KHSRP: variants seen among roughly 807,000 people sequenced by gnomAD.
The protein encoded by KHSRP is KH-type splicing regulatory protein, also known as far upstream element-binding protein 2.
In KHSRP, 13 loss-of-function variants were observed where a neutral mutation model predicts 94.9. The ratio of observed to expected loss-of-function variants is 0.14; its 90% CI spans 0.09 to 0.22. KHSRP has a LOEUF of 0.22. KHSRP is among the 10% of genes least tolerant of loss of function. The pLI is 1.00. For missense variants in KHSRP, 710 were observed against 1,010.0 expected, an observed-to-expected ratio of 0.70 and a Z score of 4.03; for synonymous variants, 495 against 401.4, an observed-to-expected ratio of 1.23 and a Z score of -2.79.
At chr19:6,423,983 C>G (rs558112587) in intron 1 of KHSRP, among the ~76,000 whole-genome samples, 3 of 152,204 alleles carry the variant, frequency 2.0e-5, no homozygotes, top group African/African-American at 7.2e-5. Flanking sequence ...TCCACTTTCC[C>G]GACTGAAGAG....
rs557341586 is a variant in KHSRP, at chr19:6,415,362, C to T, written c.1966+18G>A. The T allele has an allele frequency of 8.6e-5, 138 of 1,609,262 alleles. No individual in the cohort carries two copies. The East Asian group carries it at 9.6e-4, about 11-fold the overall frequency. On this transcript the variant is annotated intron_variant, in intron 18 of 18. Coordinates refer to ENST00000600480, the MANE Select transcript of KHSRP (RefSeq NM_001366299.1). ...TGAGGGCTGCCCCTGCCCCTGTCCC[C>T]GCATGGTGGCCACTCACCTTGCTTC...
chr19:6,414,186 G>C lies in KHSRP; in HGVS notation c.*838C>G, dbSNP rs757003676. 2 of 1,574,054 alleles carry C rather than the reference G, an allele frequency of 1.3e-6. No individual in the cohort carries two copies. Among genetic ancestry groups the C allele is most frequent in the East Asian group, 2.3e-5 (1 of 43,826 alleles). The stretch of plus-strand genomic sequence containing the variant: ...GGGAAGGGTGGGAGACTAGGGGGCG[G>C]AAGAGAGGAGGGGCTGGAACACCGT... On this transcript the variant is annotated 3_prime_UTR_variant, in exon 19 of 19. Transcript: ENST00000600480.
intron 1 of KHSRP, among the ~76,000 whole-genome samples, 182 bp from the exon 2 acceptor site, chr19:6,422,618 G>A (rs2092201891): frequency 6.6e-6 from 1 of 152,136 alleles, no homozygotes; most frequent in African/African-American, 2.4e-5. Context: ...TAGGCCTCAA[G>A]GTTCTCACCA....
chr19:6,422,498 G>C lies in KHSRP; in HGVS notation c.250-62C>G, dbSNP rs944241725. ...AAAAACAACCCTCCATGGCACCCAG[G>C]TCAACTTCTCAGAACATCTCCTGGA... is the stretch of plus-strand genomic sequence containing the variant. On this transcript the variant is annotated intron_variant, in intron 1 of 18. Coordinates refer to ENST00000600480, the MANE Select transcript of KHSRP (RefSeq NM_001366299.1). 20 of 1,249,412 alleles carry C rather than the reference G, an allele frequency of 1.6e-5. No homozygotes were observed. The African/African-American group carries it at 2.8e-4, about 17-fold the overall frequency. The allele number at this position is 1,249,412 out of a possible 1,614,324, so 77.4% of individuals were successfully genotyped here.
rs888935149 is a variant in KHSRP, at chr19:6,424,367, T to TGC, written c.249+84_249+85dup. The TGC allele has an allele frequency of 1.7e-4, 105 of 623,168 alleles. No individual in the cohort carries two copies. The East Asian group carries it at 3.6e-3, about 21-fold the overall frequency. 38.6% of individuals were successfully genotyped at this position (623,168 alleles called of 1,614,324 possible). ...CGGCCCCGGCCCCCCTCCGCGACCC[T>TGC]GCGCGCGCGCGCGCACGTGACCCCC... On this transcript the variant is annotated intron_variant, in intron 1 of 18. Coordinates refer to ENST00000600480, the MANE Select transcript of KHSRP (RefSeq NM_001366299.1).
In KHSRP at chr19:6,418,101, C is replaced by A; in HGVS notation, c.880-22G>T. 2 of 1,606,684 alleles carry A rather than the reference C, an allele frequency of 1.2e-6. No homozygotes were observed. Among genetic ancestry groups the A allele is most frequent in the South Asian group, 1.1e-5 (1 of 90,812 alleles). On this transcript the variant is annotated intron_variant, in intron 9 of 18. Coordinates refer to ENST00000600480, the MANE Select transcript of KHSRP (RefSeq NM_001366299.1). This position sits in a 1 kb window ranked among gnomAD's most constrained non-coding sequence, Gnocchi z 4.3. Reference sequence around the variant, plus strand: ...CTTGCTGCAAACACACAGGAAGCAGCCCCCATGGGTGAGCCCTGCTGCCCC... The same window carrying A: ...CTTGCTGCAAACACACAGGAAGCAGACCCCATGGGTGAGCCCTGCTGCCCC...
intron 2 of KHSRP, 92 bp downstream of exon 2, chr19:6,422,248 A>ACACC (rs2092199541): frequency 2.6e-6 from 2 of 782,946 alleles, no homozygotes; most frequent in Admixed American, 4.3e-5. Flanking sequence ...AACAACAGTG[A>ACACC]CACCCACCCC....
chr19:6,416,306 A>G lies in KHSRP; in HGVS notation c.1590T>C (p.Ala530=), dbSNP rs764900709. Residue 530 remains alanine, a synonymous_variant, in exon 15 of 19, where the codon GCT becomes GCC. Transcript: ENST00000600480. The part of the protein sequence containing the change: ...PGPFNQGPPG[A]PPHAGGPPPH... ...AGGCAGAGGATACTCACTGTGGGGG[A>G]GCCCCGGGTGGCCCCTGGTTGAAGG... The G allele has an allele frequency of 6.2e-7, 1 of 1,600,884 alleles. No individual in the cohort carries two copies. Among genetic ancestry groups the G allele is most frequent in the Admixed American group, 1.8e-5 (1 of 55,376 alleles).
In KHSRP at chr19:6,415,923, G is replaced by A. The variant is rs2145113333; in HGVS notation, c.1599-27C>T. 7 of 1,413,898 alleles carry A rather than the reference G, an allele frequency of 5.0e-6. No individual in the cohort carries two copies. The South Asian group carries it at 7.2e-5, about 14-fold the overall frequency. 87.6% of individuals were successfully genotyped at this position (1,413,898 alleles called of 1,614,324 possible). ...TGCAGGAGAGAAGAAAGGGATGCTT[G>A]AGCAGTGGTGCGGGGGTGGCCGCAG... On this transcript the variant is annotated intron_variant, in intron 15 of 18. Transcript: ENST00000600480.
chr19:6,420,304 A>C, intron 5 of KHSRP, 118 bp downstream of exon 5: 1 of 1,166,080 alleles, frequency 8.6e-7, no homozygotes, highest in Non-Finnish European at 1.3e-6. Context: ...AAGGAGGGAC[A>C]AATGAGAACA....
In KHSRP at chr19:6,414,859, C is replaced by T. The variant is rs1214724457; in HGVS notation, c.*165G>A. The stretch of plus-strand genomic sequence containing the variant: ...CGACTCCCCAGCAGTTCAGAAGTCC[C>T]GCCTGCGAGTCTCAGCGCTCCCCAG... On this transcript the variant is annotated 3_prime_UTR_variant, in exon 19 of 19. Coordinates refer to ENST00000600480, the MANE Select transcript of KHSRP (RefSeq NM_001366299.1). 2.4e-5 allele frequency: 31 copies of T among 1,300,944 alleles called. No individual in the cohort carries two copies. Among genetic ancestry groups the T allele is most frequent in the East Asian group, 1.6e-4 (5 of 30,610 alleles). The allele number at this position is 1,300,944 out of a possible 1,614,324, so 80.6% of individuals were successfully genotyped here.
rs138633372 is a variant in KHSRP, at chr19:6,413,818, T to C, written c.*1206A>G. On this transcript the variant is annotated 3_prime_UTR_variant, in exon 19 of 19. Transcript: ENST00000600480. ...TCTGCTTTGCTCTTTGTGTTTTTAA[T>C]TTTTAAGTTTTTTTTTTTTTTTGGC... The C allele has an allele frequency of 0.018, 3,170 of 174,144 alleles. 106 individuals carry two copies. The highest frequency in any genetic ancestry group is 0.087 in the African/African-American group (2,963 of 34,184). The allele number at this position is 174,144 out of a possible 1,614,324, so 10.8% of individuals were successfully genotyped here.
intron 1 of KHSRP, 68 bp downstream of exon 1, chr19:6,424,381 CACGT>C (rs2092218421): frequency 1.2e-6 from 1 of 810,404 alleles, no homozygotes; most frequent in South Asian, 5.6e-5. Context: ...CGCGCGCGCG[CACGT>C]GACCCCCGCC....
rs1000914019 is a variant in KHSRP at position 6,414,296 on chromosome 19, C to T, written c.*728G>A. On this transcript the variant is annotated 3_prime_UTR_variant, in exon 19 of 19. Coordinates refer to ENST00000600480, the MANE Select transcript of KHSRP (RefSeq NM_001366299.1). ...TGTTAACTGTCTAGCCAGGTGCTCG[C>T]GGGACTCGCTGAAGTCACGCTGCTC... 40 of 1,387,612 alleles carry T rather than the reference C, an allele frequency of 2.9e-5. No homozygotes were observed. In the African/African-American group the frequency reaches 3.1e-4, roughly 11 times the overall value. 86.0% of individuals were successfully genotyped at this position (1,387,612 alleles called of 1,614,324 possible).
Position 6,416,669 on chromosome 19 carries a change from T to C in KHSRP, c.1328-19A>G. ...TCGCCACCTGCAGAAACGCAGAAGG[T>C]GAAGGTGGCCTGCAGTGATGGCCCA... is the stretch of plus-strand genomic sequence containing the variant. On this transcript the variant is annotated intron_variant, in intron 13 of 18. Coordinates refer to ENST00000600480, the MANE Select transcript of KHSRP (RefSeq NM_001366299.1). 6.2e-7 allele frequency: 1 copy of C among 1,613,418 alleles called. No homozygotes were observed. The highest frequency in any genetic ancestry group is 1.1e-5 in the South Asian group (1 of 91,056).
intron 10 of KHSRP, 59 bp downstream of exon 10, chr19:6,417,922 C>G (rs577865594): frequency 7.5e-6 from 12 of 1,602,262 alleles, no homozygotes; most frequent in Non-Finnish European, 1.0e-5. Context: ...GAGCCACTCA[C>G]CCCGGCCCCT....
At chr19:6,421,580 C>T (rs1286952831) in intron 3 of KHSRP, 70 bp downstream of exon 3, 15 of 1,540,518 alleles carry the variant, frequency 9.7e-6, no homozygotes, top group African/African-American at 2.7e-5. Flanking sequence ...CTCAGTGCTT[C>T]CAGCTCCTGA....
chr19:6,420,047 C>A (rs757299495), intron 6 of KHSRP, 26 bp downstream of exon 6: 1 of 1,586,736 alleles, frequency 6.3e-7, no homozygotes, highest in East Asian at 2.2e-5. Context: ...GGCCCCCACT[C>A]TGGCAGGAAC....
Position 6,421,639 on chromosome 19 carries a change from C to G in KHSRP, c.385+11G>C. The G allele has an allele frequency of 6.2e-7, 1 of 1,613,838 alleles. No individual in the cohort carries two copies. The highest frequency in any genetic ancestry group is 8.5e-7 in the Non-Finnish European group (1 of 1,179,794). On this transcript the variant is annotated intron_variant, in intron 3 of 18. Transcript: ENST00000600480. ...AAGCCACATATCTGCCACCAGACCCCCTGGACTTACAGTCTCCCTGGGAAG... is the reference window on the plus strand; with the variant it reads ...AAGCCACATATCTGCCACCAGACCCGCTGGACTTACAGTCTCCCTGGGAAG...
Sources: gnomAD v4.1 joint callset for allele counts (sites outside exome capture counted in the v4.1 genomes callset) on GRCh38, gnomAD v4.1.1 for gene constraint, Gnocchi (gnomAD v3.1) non-coding constraint, MANE v1.5 for transcripts, NCBI Gene and HGNC (gene_info 2026-07-23, HGNC 2026-07-21) for gene names.